The following CCNK variants were observed in gnomAD, a reference collection of about 807,000 sequenced individuals.
CCNK encodes the protein cyclin K.
CCNK carries 9 observed loss-of-function variants against 65.0 expected under a neutral mutation model. That is an observed-to-expected ratio of 0.14 (90% CI 0.08 to 0.24). The LOEUF (loss-of-function observed/expected upper bound fraction) is 0.24, where lower values mean the gene tolerates loss of function less well. Ranked by LOEUF, CCNK falls within the 10% of genes least tolerant of loss-of-function variation. The pLI is 1.00. For synonymous variants in CCNK, 279 were observed against 270.8 expected, an observed-to-expected ratio of 1.03 and a Z score of -0.30; for missense variants, 474 against 720.0, an observed-to-expected ratio of 0.66 and a Z score of 3.91.
Position 99,510,602 on chromosome 14 carries a change from C to A in CCNK, c.1563C>A (p.Pro521=). 3.1e-6 allele frequency: 3 copies of A among 966,638 alleles called. No homozygotes were observed. Among genetic ancestry groups the A allele is most frequent in the Middle Eastern group, 3.3e-4 (1 of 3,052 alleles). 59.9% of individuals were successfully genotyped at this position (966,638 alleles called of 1,614,324 possible). Residue 521 remains proline, a synonymous_variant, in exon 11 of 11, where the codon CCC becomes CCA. Transcript: ENST00000389879. ...ACAACCCCAACTTCCCACCCCCACC[C>A]CCACGCCTCCCGCCTACCCACGCAG... ...PTYNPNFPPP[P]PRLPPTHAVP...
chr14:99,483,560 C>T lies in CCNK; in HGVS notation c.-53+2081C>T, dbSNP rs563093052. On this transcript the variant is annotated intron_variant, in intron 1 of 10. Transcript: ENST00000389879. ...GCAAGACCCTGTCTCAAGAAAAAGCCAGGTGACACAAATCATATTTCCTTT... is the reference window on the plus strand; with the variant it reads ...GCAAGACCCTGTCTCAAGAAAAAGCTAGGTGACACAAATCATATTTCCTTT... Among the ~76,000 whole-genome samples the T allele has an allele frequency of 3.3e-5, 5 of 152,246 alleles. No individual in the cohort carries two copies. In the East Asian group the frequency reaches 9.7e-4, roughly 29 times the overall value.
chr14:99,508,776 G>C (rs1175487558), intron 10 of CCNK: 1 of 152,492 alleles, frequency 6.6e-6, no homozygotes, highest in Non-Finnish European at 1.5e-5. Context: ...CTGGTGACTT[G>C]AAGATTCAGG....
chr14:99,489,432 A>G (rs917508884), intron 1 of CCNK, among the ~76,000 whole-genome samples: 1 of 152,204 alleles, frequency 6.6e-6, no homozygotes, highest in Non-Finnish European at 1.5e-5. Flanking sequence ...TTGGGAGGCT[A>G]GGCGGGAGGA....
intron 1 of CCNK, among the ~76,000 whole-genome samples, chr14:99,485,765 C>T (rs763198387): frequency 6.6e-6 from 1 of 152,162 alleles, no homozygotes; most frequent in Non-Finnish European, 1.5e-5. Context: ...GAGGCTGAGG[C>T]AGGAGAATCA....
chr14:99,506,856 GTGGGAAGCTCGCAGGTCTTT>G lies in CCNK; in HGVS notation c.1046-216_1046-197del, dbSNP rs1566753462. The G allele has an allele frequency of 7.7e-6, 4 of 522,320 alleles. No individual in the cohort carries two copies. The East Asian group carries it at 1.0e-4, about 13-fold the overall frequency. The allele number at this position is 522,320 out of a possible 1,614,324, so 32.4% of individuals were successfully genotyped here. A position where few individuals can be genotyped will look rare whatever the true frequency, so the allele number is the denominator to read the frequency against. On this transcript the variant is annotated intron_variant, in intron 9 of 10. Transcript: ENST00000389879. ...GGTAGACATGGAAAATGGGCTGCCT[GTGGGAAGCTCGCAGGTCTTT>G]TGGAGGGAGGTGGCATTTAATTTGT... is the stretch of plus-strand genomic sequence containing the variant.
intron 9 of CCNK, chr14:99,506,055 G>A (rs1188463425): frequency 6.6e-6 from 1 of 152,490 alleles, no homozygotes; most frequent in Non-Finnish European, 1.5e-5. Flanking sequence ...GGTGCTGATT[G>A]GTGGGTCTAG....
chr14:99,485,902 A>C (rs1277875365), intron 1 of CCNK, among the ~76,000 whole-genome samples: 1 of 152,176 alleles, frequency 6.6e-6, no homozygotes, highest in Non-Finnish European at 1.5e-5. Flanking sequence ...TAGTCTGTTC[A>C]TTCTTTACCA....
intron 1 of CCNK, among the ~76,000 whole-genome samples, chr14:99,486,120 A>C (rs1896478408): frequency 6.6e-6 from 1 of 152,258 alleles, no homozygotes; most frequent in Admixed American, 6.5e-5. Flanking sequence ...ATCACCAATT[A>C]AAGTAAACTT....
chr14:99,489,132 T>C (rs192387487), intron 1 of CCNK, among the ~76,000 whole-genome samples: 17 of 152,204 alleles, frequency 1.1e-4, no homozygotes, highest in Admixed American at 1.0e-3. Context: ...GATACATATA[T>C]ATATATTTTT....
At chr14:99,489,137 ATT>A (rs954155721) in intron 1 of CCNK, among the ~76,000 whole-genome samples, 3 of 150,764 alleles carry the variant, frequency 2.0e-5, no homozygotes, top group African/African-American at 4.9e-5. Context: ...ATATATATAT[ATT>A]TTTTTTTAAC....
intron 8 of CCNK, 130 bp from the exon 9 acceptor site, chr14:99,503,481 A>G (rs1352100986): frequency 1.4e-6 from 1 of 716,818 alleles, no homozygotes; most frequent in Non-Finnish European, 2.4e-6. Flanking sequence ...AGTTCAGGCT[A>G]GAAATAATTT....
At chr14:99,495,653 C>G in intron 4 of CCNK, 24 bp downstream of exon 4, 3 of 1,589,238 alleles carry the variant, frequency 1.9e-6, no homozygotes, top group Non-Finnish European at 2.6e-6. Flanking sequence ...TAACTTCCTG[C>G]CTTCTGGTCT....
chr14:99,483,160 A>G (rs1343851114), intron 1 of CCNK, among the ~76,000 whole-genome samples: 1 of 152,186 alleles, frequency 6.6e-6, no homozygotes, highest in African/African-American at 2.4e-5. Context: ...CCTATTAATA[A>G]TCTGTTTTAG....
intron 1 of CCNK, among the ~76,000 whole-genome samples, chr14:99,486,189 C>A (rs981275545): frequency 5.3e-5 from 8 of 152,208 alleles, no homozygotes; most frequent in Non-Finnish European, 2.9e-5. Flanking sequence ...ACTACCATCT[C>A]TGGTTTAAAG....
chr14:99,489,096 T>C (rs1896549185), intron 1 of CCNK, among the ~76,000 whole-genome samples: 1 of 152,158 alleles, frequency 6.6e-6, no homozygotes, highest in South Asian at 2.1e-4. Flanking sequence ...TCATTCCTTC[T>C]TGGTACTTGA....
chr14:99,501,731 T>TC (rs1171458320), intron 6 of CCNK: 2 of 322,080 alleles, frequency 6.2e-6, no homozygotes, highest in Non-Finnish European at 1.1e-5. Flanking sequence ...AAAATATACT[T>TC]CCTGGTATAG....
chr14:99,489,742 T>C (rs1896561689), intron 1 of CCNK, among the ~76,000 whole-genome samples: 2 of 152,218 alleles, frequency 1.3e-5, no homozygotes, highest in South Asian at 4.1e-4. Flanking sequence ...TTTACATGAT[T>C]CAAACATCAA....
At position 99,491,210 on chromosome 14, in the gene CCNK, T is replaced by G. The variant is rs371182886; in HGVS notation, c.-52-1416T>G. 1.1e-4 allele frequency among the ~76,000 whole-genome samples: 16 copies of G among 152,308 alleles called. No homozygotes were observed. The East Asian group carries it at 2.9e-3, about 28-fold the overall frequency. On this transcript the variant is annotated intron_variant, in intron 1 of 10. Transcript: ENST00000389879. ...ATCTTGTGCACATGTTGTTTCATAGTTGTGACATTTCATAGTTAGGACAAT... is the reference window on the plus strand; with the variant it reads ...ATCTTGTGCACATGTTGTTTCATAGGTGTGACATTTCATAGTTAGGACAAT...
intron 4 of CCNK, chr14:99,500,479 A>G (rs926589692): frequency 1.2e-5 from 3 of 248,750 alleles, no homozygotes; most frequent in Non-Finnish European, 1.5e-5. Context: ...TGTTTTGTAA[A>G]GGGAGACTCA....
Sources: gnomAD v4.1 joint callset for allele counts (sites outside exome capture counted in the v4.1 genomes callset) on GRCh38, gnomAD v4.1.1 for gene constraint, MANE v1.5 for transcripts, NCBI Gene and HGNC (gene_info 2026-07-23, HGNC 2026-07-21) for gene names.